The following DUSP10 variants were observed in gnomAD, a reference collection of about 807,000 sequenced individuals.
The protein encoded by DUSP10 is dual specificity phosphatase 10.
In DUSP10, 14 loss-of-function variants were observed where a neutral mutation model predicts 30.8. The ratio of observed to expected loss-of-function variants is 0.46; its 90% CI spans 0.30 to 0.71. The LOEUF (loss-of-function observed/expected upper bound fraction) is 0.71. DUSP10 is among the 30% of genes least tolerant of loss of function. The pLI is 0.08. For synonymous variants in DUSP10, 254 were observed against 250.4 expected (o/e 1.01, Z -0.14); for missense variants, 550 against 619.4 (o/e 0.89, Z 1.19).
chr1:221,727,957 G>A (rs1661471713), intron 2 of DUSP10, among the ~76,000 whole-genome samples: 1 of 152,120 alleles, frequency 6.6e-6, no homozygotes, highest in African/African-American at 2.4e-5. Flanking sequence ...AAAAGATGGG[G>A]CCTTTAAGAG....
At chr1:221,726,715 A>AC (rs1290863277) in intron 2 of DUSP10, among the ~76,000 whole-genome samples, 2 of 151,830 alleles carry the variant, frequency 1.3e-5, no homozygotes, top group African/African-American at 4.8e-5. Context: ...AAAAAAAAAA[A>AC]AAAACCCTAT....
Position 221,739,536 on chromosome 1 carries a change from G to A in DUSP10, c.209C>T (p.Ser70Leu), listed in dbSNP as rs745993241. 2.3e-5 allele frequency: 37 copies of A among 1,614,084 alleles called. No individual in the cohort carries two copies. The highest frequency in any genetic ancestry group is 4.0e-5 in the African/African-American group (3 of 74,918). The change falls in exon 2 of 4, where the codon TCG (serine) becomes TTG (leucine). Residue 70 changes from serine (S) to leucine (L), a missense_variant. Transcript: ENST00000366899. Reference sequence around the variant, plus strand: ...GGCACTGCTGCATCCACAATTCAGCGAGCGGGCAGAGCCGCTGGATGAGGG... The same window carrying A: ...GGCACTGCTGCATCCACAATTCAGCAAGCGGGCAGAGCCGCTGGATGAGGG... ...YMPSSSGSAR[S>L]LNCGCSSASC...
intron 2 of DUSP10, among the ~76,000 whole-genome samples, chr1:221,717,874 A>G (rs551835690): frequency 6.6e-6 from 1 of 152,268 alleles, no homozygotes; most frequent in African/African-American, 2.4e-5. Flanking sequence ...CTGTTGTTTA[A>G]GCTATCCAGT....
chr1:221,736,847 A>G (rs1661788854), intron 2 of DUSP10: 3 of 985,400 alleles, frequency 3.0e-6, no homozygotes, highest in Non-Finnish European at 3.6e-6. Flanking sequence ...TCTAACCTCT[A>G]CCACCAGAGC....
At chr1:221,736,665 A>T (rs1661782528) in intron 2 of DUSP10, among the ~76,000 whole-genome samples, 1 of 152,206 alleles carries the variant, frequency 6.6e-6, no homozygotes, top group Admixed American at 6.5e-5. Flanking sequence ...ATATTGACCC[A>T]TTCCTTTCCC....
chr1:221,711,037 G>A (rs1456546965), intron 2 of DUSP10, among the ~76,000 whole-genome samples: 1 of 152,148 alleles, frequency 6.6e-6, no homozygotes, highest in Non-Finnish European at 1.5e-5. Context: ...ATTCTAAATG[G>A]CAGCAACAAA....
At chr1:221,714,844 C>A (rs971172382) in intron 2 of DUSP10, among the ~76,000 whole-genome samples, 1 of 152,192 alleles carries the variant, frequency 6.6e-6, no homozygotes, top group Non-Finnish European at 1.5e-5. Context: ...AAGGTAGCCA[C>A]TTCAATAGTT....
At position 221,739,655 on chromosome 1, in the gene DUSP10, A is replaced by G. The variant is rs2102658882; in HGVS notation, c.90T>C (p.Ser30=). The G allele has an allele frequency of 6.2e-7, 1 of 1,614,198 alleles. No individual in the cohort carries two copies. Among genetic ancestry groups the G allele is most frequent in the East Asian group, 2.2e-5 (1 of 44,882 alleles). ...TGCCTGGGTTGGCAGAGCCAAGGTA[A>G]CTAGAGTCTAAACAAAGGTTGAGAT... The part of the protein sequence containing the change: ...PQDLNLCLDS[S]YLGSANPGSN... The change falls in exon 2 of 4, where the codon AGT becomes AGC. Residue 30 remains serine (S), a synonymous_variant. Transcript: ENST00000366899.
At chr1:221,739,839 G>A in intron 1 of DUSP10, 52 bp from the exon 2 acceptor site, 1 of 1,462,142 alleles carries the variant, frequency 6.8e-7, no homozygotes, top group East Asian at 2.4e-5. Context: ...TGACACAAAA[G>A]GCAGTCTCAT....
At chr1:221,735,022 C>A (rs987461200) in intron 2 of DUSP10, among the ~76,000 whole-genome samples, 2 of 151,868 alleles carry the variant, frequency 1.3e-5, no homozygotes, top group African/African-American at 4.8e-5. Context: ...GAGTATATTT[C>A]AGAATTCTTT....
chr1:221,711,630 C>G (rs1165880410), intron 2 of DUSP10: 1 of 152,212 alleles, frequency 6.6e-6, no homozygotes, highest in Non-Finnish European at 1.5e-5. Context: ...TGACTCCTAT[C>G]ACTTACCTTG....
Position 221,706,699 on chromosome 1 carries a change from T to C in DUSP10, c.812-233A>G, listed in dbSNP as rs1460326006. Among the ~76,000 whole-genome samples the C allele has an allele frequency of 6.6e-6, 1 of 152,144 alleles. No homozygotes were observed. The highest frequency in any genetic ancestry group is 6.5e-5 in the Admixed American group (1 of 15,278). ...GGGGAGTATCACTGCATGGAACACT[T>C]TGGAAATGTGCTCTTTCTACAAATG... is the stretch of plus-strand genomic sequence containing the variant. On this transcript the variant is annotated intron_variant, in intron 2 of 3. Coordinates refer to ENST00000366899, the MANE Select transcript of DUSP10 (RefSeq NM_007207.6). This position sits in a 1 kb window ranked among gnomAD's most constrained non-coding sequence, Gnocchi z 4.6.
chr1:221,731,402 G>A (rs1284730799), intron 2 of DUSP10, among the ~76,000 whole-genome samples: 1 of 150,310 alleles, frequency 6.7e-6, no homozygotes, highest in Non-Finnish European at 1.5e-5. Context: ...TCATCAACAT[G>A]TACAAAATTA....
chr1:221,731,101 G>T (rs1661577020), intron 2 of DUSP10, among the ~76,000 whole-genome samples: 1 of 152,044 alleles, frequency 6.6e-6, no homozygotes, highest in Non-Finnish European at 1.5e-5. Context: ...TGAATATAGA[G>T]TCTACAGTAT....
chr1:221,706,556 G>T lies in DUSP10; in HGVS notation c.812-90C>A. The stretch of plus-strand genomic sequence containing the variant: ...CCCATTAGAATGAGTTTGCATTGTA[G>T]CTCATGCATATTTTAAATACATATA... On this transcript the variant is annotated intron_variant, in intron 2 of 3. Coordinates refer to ENST00000366899, the MANE Select transcript of DUSP10 (RefSeq NM_007207.6). The surrounding 1 kb of genome is among the most constrained non-coding windows in gnomAD (Gnocchi z 4.6). The T allele has an allele frequency of 1.1e-6, 1 of 948,362 alleles. No homozygotes were observed. Among genetic ancestry groups the T allele is most frequent in the Non-Finnish European group, 1.5e-6 (1 of 678,000 alleles). 58.7% of individuals were successfully genotyped at this position (948,362 alleles called of 1,614,324 possible).
intron 2 of DUSP10, chr1:221,736,750 A>C: frequency 2.2e-6 from 2 of 925,882 alleles, no homozygotes; most frequent in South Asian, 1.0e-4. Context: ...ATTATAAAGT[A>C]GAATATAGAC....
chr1:221,740,730 C>G (rs1229303850), intron 1 of DUSP10, among the ~76,000 whole-genome samples: 2 of 152,220 alleles, frequency 1.3e-5, no homozygotes, highest in South Asian at 4.1e-4. Context: ...AGATATCCCC[C>G]CTTCAAGAGT....
intron 2 of DUSP10, among the ~76,000 whole-genome samples, chr1:221,733,834 A>G (rs1054759079): frequency 4.6e-5 from 7 of 152,228 alleles, no homozygotes; most frequent in Non-Finnish European, 8.8e-5. Context: ...TGCTGAGCAC[A>G]TCGTGAATGA....
chr1:221,730,203 A>T (rs1394062487), intron 2 of DUSP10, among the ~76,000 whole-genome samples: 2 of 152,240 alleles, frequency 1.3e-5, no homozygotes, highest in East Asian at 3.8e-4. Context: ...TATTTCTTCC[A>T]TAAAATAAAT....
Sources: allele counts gnomAD v4.1 joint callset (sites outside exome capture counted in the v4.1 genomes callset), GRCh38; gene constraint gnomAD v4.1.1; non-coding constraint Gnocchi (gnomAD v3.1); transcripts MANE v1.5; gene names NCBI Gene and HGNC (gene_info 2026-07-23, HGNC 2026-07-21).